The following SKAP2 variants were observed in gnomAD, a reference collection of about 807,000 sequenced individuals.
SKAP2 encodes the protein src kinase associated phosphoprotein 2.
In SKAP2, 28 loss-of-function variants were observed where a neutral mutation model predicts 54.9. The ratio of observed to expected loss-of-function variants is 0.51; its 90% confidence interval spans 0.38 to 0.70. The LOEUF (loss-of-function observed/expected upper bound fraction) is 0.70. Ranked by LOEUF, SKAP2 falls within the 30% of genes least tolerant of loss-of-function variation. SKAP2 has a pLI of 0.00. For synonymous variants in SKAP2, 137 were observed against 134.3 expected (o/e 1.02, Z -0.14); for missense variants, 356 against 424.1 (o/e 0.84, Z 1.41).
the SKAP2 span, among the ~76,000 whole-genome samples, chr7:26,656,808 G>A: frequency 8.6e-5 from 13 of 151,962 alleles, no homozygotes; most frequent in African/African-American, 2.9e-4. Context: ...ACTTTCTATG[G>A]TTCATCTACC....
In SKAP2 at chr7:26,667,142, T is replaced by A. The variant is rs983503545; in HGVS notation, c.*2524A>T. On this transcript the variant is annotated 3_prime_UTR_variant, in exon 13 of 13. Coordinates refer to ENST00000345317, the MANE Select transcript of SKAP2 (RefSeq NM_003930.5). ...ACATTATTGTAAGATCTAATGGCAA[T>A]AGAGTACAAATTCAGTACAGAGCAA... 4.6e-5 allele frequency: 7 copies of A among 152,140 alleles called. No individual in the cohort carries two copies. The highest frequency in any genetic ancestry group is 2.9e-5 in the Non-Finnish European group (2 of 68,006). 9.4% of individuals were successfully genotyped at this position (152,140 alleles called of 1,614,324 possible). A position where few individuals can be genotyped will look rare whatever the true frequency, so the allele number is the denominator to read the frequency against.
intron 7 of SKAP2, among the ~76,000 whole-genome samples, chr7:26,726,495 A>C (rs1299643330): frequency 6.6e-6 from 1 of 151,978 alleles, no homozygotes; most frequent in Non-Finnish European, 1.5e-5. Context: ...ATTTTCTCCC[A>C]CACTCCTAAG....
At chr7:26,732,872 G>C (rs6461963) in intron 6 of SKAP2, among the ~76,000 whole-genome samples, 1 of 152,106 alleles carries the variant, frequency 6.6e-6, no homozygotes, top group African/African-American at 2.4e-5. Flanking sequence ...AGTAAAACTT[G>C]GTTTGTACCT....
At chr7:26,766,762 G>C (rs1300177567) in intron 4 of SKAP2, among the ~76,000 whole-genome samples, 1 of 152,176 alleles carries the variant, frequency 6.6e-6, no homozygotes, top group African/African-American at 2.4e-5. Flanking sequence ...TTATGTGATG[G>C]ATTATGTTTA....
intron 11 of SKAP2, among the ~76,000 whole-genome samples, chr7:26,682,904 T>C (rs982084364): frequency 2.6e-5 from 4 of 152,184 alleles, no homozygotes; most frequent in Non-Finnish European, 4.4e-5. Context: ...GAGGCAACAG[T>C]AGAAACAAGA....
At chr7:26,826,421 T>C (rs1223373079) in intron 4 of SKAP2, among the ~76,000 whole-genome samples, 1 of 152,252 alleles carries the variant, frequency 6.6e-6, no homozygotes, top group Non-Finnish European at 1.5e-5. Flanking sequence ...CTATTCATTT[T>C]TCACAAGTGA....
chr7:26,826,721 T>C (rs1374506433), intron 4 of SKAP2, among the ~76,000 whole-genome samples: 3 of 152,228 alleles, frequency 2.0e-5, no homozygotes, highest in Admixed American at 2.0e-4. Flanking sequence ...CTTGAATTAG[T>C]TGATATTTAT....
chr7:26,662,688 G>C (rs1786032043), downstream of SKAP2, among the ~76,000 whole-genome samples: 1 of 152,094 alleles, frequency 6.6e-6, no homozygotes, highest in African/African-American at 2.4e-5. Flanking sequence ...CAAATATGCT[G>C]ACCAACTGAA....
rs67584363 is a variant in SKAP2, at chr7:26,802,278, T to G, written c.307+41752A>C. ...AAAGACAGTTTTTTTTTTTTTTTGG[T>G]TTTTTTTTTTTTTGAGACGGAGTTT... On this transcript the variant is annotated intron_variant, in intron 4 of 12. Coordinates refer to ENST00000345317, the MANE Select transcript of SKAP2 (RefSeq NM_003930.5). Among the ~76,000 whole-genome samples, 92 of 34,136 alleles carry G rather than the reference T, an allele frequency of 2.7e-3. No individual in the cohort carries two copies. In the East Asian group the frequency reaches 0.054, roughly 20 times the overall value. The allele number at this position is 34,136 out of a possible 152,430, so 22.4% of individuals were successfully genotyped here.
intron 3 of SKAP2, among the ~76,000 whole-genome samples, chr7:26,845,916 A>C (rs1459426261): frequency 6.6e-6 from 1 of 152,124 alleles, no homozygotes; most frequent in African/African-American, 2.4e-5. Flanking sequence ...TGGGCAACAG[A>C]CCAAGACCCC....
At chr7:26,732,579 T>C (rs1463103320) in intron 6 of SKAP2, among the ~76,000 whole-genome samples, 1 of 152,218 alleles carries the variant, frequency 6.6e-6, no homozygotes, top group Non-Finnish European at 1.5e-5. Context: ...AAGAAGGCCT[T>C]TTCCCTTCAG....
At position 26,790,084 on chromosome 7, in the gene SKAP2, C is replaced by T. The variant is rs143063740; in HGVS notation, c.308-50120G>A. Among the ~76,000 whole-genome samples the T allele has an allele frequency of 2.6e-3, 401 of 152,216 alleles. 1 individual carries two copies. The highest frequency in any genetic ancestry group is 2.3e-3 in the Non-Finnish European group (159 of 68,004). ...TTGCACACTGGCCAGCCCAAAGTGC[C>T]CAGGCTAATTAATCATCACCTCTAA... On this transcript the variant is annotated intron_variant, in intron 4 of 12. Transcript: ENST00000345317.
At chr7:26,847,506 A>T (rs1221570079) in intron 3 of SKAP2, among the ~76,000 whole-genome samples, 1 of 152,218 alleles carries the variant, frequency 6.6e-6, no homozygotes, top group Non-Finnish European at 1.5e-5. Flanking sequence ...AAATTAAAAA[A>T]AAAAAAGTTC....
chr7:26,798,128 G>A (rs1562614475), intron 4 of SKAP2, among the ~76,000 whole-genome samples: 1 of 151,964 alleles, frequency 6.6e-6, no homozygotes, highest in Non-Finnish European at 1.5e-5. Flanking sequence ...AAAGGTTAAA[G>A]CATTTAATAG....
chr7:26,799,718 G>C (rs1783869206), intron 4 of SKAP2, among the ~76,000 whole-genome samples: 1 of 152,166 alleles, frequency 6.6e-6, no homozygotes, highest in African/African-American at 2.4e-5. Flanking sequence ...GGATCTAACA[G>C]ATATCTACAA....
Position 26,801,195 on chromosome 7 carries a change from GC to G in SKAP2, c.307+42834del, listed in dbSNP as rs551688093. ...GATTTATCTCTGGGATGCAAGGATG[GC>G]TCAACATATACAAATCAATCAACAT... On this transcript the variant is annotated intron_variant, in intron 4 of 12. Transcript: ENST00000345317. Among the ~76,000 whole-genome samples, 40 of 152,222 alleles carry G rather than the reference GC, an allele frequency of 2.6e-4. 1 individual carries two copies. The South Asian group carries it at 4.6e-3, about 17-fold the overall frequency.
At chr7:26,675,674 T>A (rs1786335049) in intron 11 of SKAP2, among the ~76,000 whole-genome samples, 1 of 152,202 alleles carries the variant, frequency 6.6e-6, no homozygotes, top group African/African-American at 2.4e-5. Context: ...TAATTTCCAA[T>A]AGTAATGTAT....
At chr7:26,749,291 C>T (rs890558613) in intron 4 of SKAP2, among the ~76,000 whole-genome samples, 4 of 152,086 alleles carry the variant, frequency 2.6e-5, no homozygotes, top group Non-Finnish European at 4.4e-5. Context: ...ACGTTCTTAA[C>T]TCATATATTA....
intron 6 of SKAP2, among the ~76,000 whole-genome samples, chr7:26,733,313 A>G (rs1163077899): frequency 2.0e-5 from 3 of 152,014 alleles, no homozygotes; most frequent in Non-Finnish European, 4.4e-5. Flanking sequence ...AATTTTTTAA[A>G]TATCAGAATT....
Sources: gnomAD v4.1 joint callset for allele counts (sites outside exome capture counted in the v4.1 genomes callset) on GRCh38, gnomAD v4.1.1 for gene constraint, MANE v1.5 for transcripts, NCBI Gene and HGNC (gene_info 2026-07-23, HGNC 2026-07-21) for gene names.